TENM2: variants seen among roughly 807,000 people sequenced by gnomAD.
The protein encoded by TENM2 is teneurin transmembrane protein 2, also known as teneurin-2.
A neutral mutation model predicts 245.2 loss-of-function variants in TENM2; 52 were observed. That is an observed-to-expected ratio of 0.21 (90% CI 0.17 to 0.27). TENM2 has a LOEUF of 0.27. TENM2 is among the 10% of genes least tolerant of loss of function. The pLI, the probability that TENM2 is intolerant of heterozygous loss-of-function variation, is 1.00. For missense variants in TENM2, 3,046 were observed against 3,666.8 expected (o/e 0.83, Z 4.37); for synonymous variants, 1,363 against 1,438.9 (o/e 0.95, Z 1.19).
chr5:167,006,447 C>T, the TENM2 span, among the ~76,000 whole-genome samples: 2 of 152,182 alleles, frequency 1.3e-5, no homozygotes, highest in African/African-American at 2.4e-5. Flanking sequence ...GAAATTAAAA[C>T]AATGCAGAAA....
chr5:167,311,896 T>C (rs116665728), intron 1 of TENM2, among the ~76,000 whole-genome samples: 1 of 152,312 alleles, frequency 6.6e-6, no homozygotes, highest in African/African-American at 2.4e-5. Flanking sequence ...TGTAATGATA[T>C]TTTGTTAAAC....
intron 9 of TENM2, among the ~76,000 whole-genome samples, chr5:168,106,396 T>TC (rs1247763843): frequency 6.6e-6 from 1 of 152,046 alleles, no homozygotes; most frequent in Non-Finnish European, 1.5e-5. Context: ...GTTCTTACTA[T>TC]ATACGCCAAC....
chr5:166,979,212 G>GCAGCACCACCAC, the TENM2 span, among the ~76,000 whole-genome samples: 327 of 149,794 alleles, frequency 2.2e-3, 2 homozygotes, highest in Non-Finnish European at 8.8e-4. Context: ...AGCAGCAGCA[G>GCAGCACCACCAC]CAGCAGCAGC....
At chr5:168,075,098 T>G (rs1258341501) in intron 7 of TENM2, among the ~76,000 whole-genome samples, 1 of 152,088 alleles carries the variant, frequency 6.6e-6, no homozygotes, top group East Asian at 1.9e-4. Context: ...TTCCACCCTT[T>G]CCCCTGAGGC....
chr5:168,140,323 G>GCTTAAATCCAGCTTA (rs1448206267), intron 12 of TENM2, among the ~76,000 whole-genome samples: 2 of 151,842 alleles, frequency 1.3e-5, no homozygotes, highest in Admixed American at 6.6e-5. Flanking sequence ...CAGCTAGGTG[G>GCTTAAATCCAGCTTA]ACTCATTGGC....
intron 2 of TENM2, among the ~76,000 whole-genome samples, chr5:167,395,193 T>C (rs1761983273): frequency 6.6e-6 from 1 of 152,182 alleles, no homozygotes; most frequent in Non-Finnish European, 1.5e-5. Context: ...TAGTTTTCAC[T>C]GTACAAGTCG....
chr5:167,272,170 T>C, the TENM2 span, among the ~76,000 whole-genome samples: 1 of 152,188 alleles, frequency 6.6e-6, no homozygotes, highest in Admixed American at 6.6e-5. Flanking sequence ...TCTCTCTCTT[T>C]CTTTTGTGTA....
At chr5:168,180,008 G>A (rs1581552491) in intron 13 of TENM2, among the ~76,000 whole-genome samples, 2 of 152,310 alleles carry the variant, frequency 1.3e-5, no homozygotes, top group Non-Finnish European at 2.9e-5. Flanking sequence ...GAGACACTGG[G>A]AGCTGGAGGA....
intron 12 of TENM2, among the ~76,000 whole-genome samples, chr5:168,158,834 T>C (rs1757454421): frequency 2.5e-5 from 2 of 80,620 alleles, no homozygotes; most frequent in Admixed American, 3.2e-4. Flanking sequence ...TGTGTGTATA[T>C]ATATATATAT....
chr5:167,126,966 G>A, the TENM2 span, among the ~76,000 whole-genome samples: 1 of 151,394 alleles, frequency 6.6e-6, no homozygotes, highest in Admixed American at 6.6e-5. Flanking sequence ...ATTTGTAGCA[G>A]AGCCACAAAT....
chr5:167,549,941 T>G (rs1163449841), intron 2 of TENM2, among the ~76,000 whole-genome samples: 1 of 152,146 alleles, frequency 6.6e-6, no homozygotes, highest in African/African-American at 2.4e-5. Context: ...ATGGCTCACT[T>G]GGAAGGTTGT....
chr5:167,512,555 C>A (rs760871983), intron 2 of TENM2, among the ~76,000 whole-genome samples: 1 of 152,160 alleles, frequency 6.6e-6, no homozygotes, highest in African/African-American at 2.4e-5. Flanking sequence ...CTATCAGTTC[C>A]TCTGAATAAG....
chr5:167,071,150 C>T, the TENM2 span, among the ~76,000 whole-genome samples: 1 of 152,056 alleles, frequency 6.6e-6, no homozygotes, highest in Non-Finnish European at 1.5e-5. Flanking sequence ...TGTACTATTC[C>T]TAATTATAAA....
intron 1 of TENM2, among the ~76,000 whole-genome samples, chr5:167,347,319 T>G (rs957379723): frequency 6.6e-6 from 1 of 152,186 alleles, no homozygotes; most frequent in African/African-American, 2.4e-5. Flanking sequence ...CTATGCAATT[T>G]GCTCTGAAAA....
At chr5:167,909,834 G>C in intron 3 of TENM2, among the ~76,000 whole-genome samples, 1 of 150,914 alleles carries the variant, frequency 6.6e-6, no homozygotes, top group Non-Finnish European at 1.5e-5. Flanking sequence ...ACAGAGGATA[G>C]ACTATTAAAG....
In TENM2 at chr5:168,254,338, C is replaced by T. The variant is rs574613000; in HGVS notation, c.7433-5945C>T. 7.9e-4 allele frequency among the ~76,000 whole-genome samples: 120 copies of T among 152,264 alleles called. 1 individual carries two copies. Among genetic ancestry groups the T allele is most frequent in the Non-Finnish European group, 1.4e-3 (92 of 68,036 alleles). On this transcript the variant is annotated intron_variant, in intron 27 of 28. Coordinates refer to ENST00000518659, the Ensembl canonical transcript of TENM2. ...GTTGTGTTGTCTCAGAAATGCCTTC[C>T]GCAGCATGGAGCGGAGTCACTAGAA...
chr5:167,669,542 C>T (rs1755795761), intron 2 of TENM2, among the ~76,000 whole-genome samples: 1 of 151,990 alleles, frequency 6.6e-6, no homozygotes, highest in African/African-American at 2.4e-5. Context: ...AGCTATGATT[C>T]TCTCATTCAC....
intron 25 of TENM2, among the ~76,000 whole-genome samples, chr5:168,239,560 A>C (rs1765904827): frequency 6.6e-6 from 1 of 152,014 alleles, no homozygotes; most frequent in Non-Finnish European, 1.5e-5. Context: ...TTCTTTGTTT[A>C]CCCAGTATTT....
At chr5:167,610,831 T>A (rs1023301388) in intron 2 of TENM2, among the ~76,000 whole-genome samples, 6 of 152,180 alleles carry the variant, frequency 3.9e-5, no homozygotes, top group African/African-American at 1.2e-4. Flanking sequence ...TGTGATTGGC[T>A]CTTCATTACA....
Sources: gnomAD v4.1 joint callset for allele counts (sites outside exome capture counted in the v4.1 genomes callset) on GRCh38, gnomAD v4.1.1 for gene constraint, MANE v1.5 for transcripts, NCBI Gene and HGNC (gene_info 2026-07-23, HGNC 2026-07-21) for gene names.